Variants in SHB observed in about 807,000 individuals in gnomAD.
SHB encodes the protein SH2 domain containing adaptor protein B.
A neutral mutation model predicts 52.3 loss-of-function variants in SHB; 20 were observed. The observed-to-expected ratio is 0.38, with a 90% CI of 0.27 to 0.56. SHB has a LOEUF of 0.56. Ranked by LOEUF, SHB falls within the 20% of genes least tolerant of loss-of-function variation. The pLI is 0.71. For synonymous variants in SHB, 397 were observed against 316.5 expected, an observed-to-expected ratio of 1.25 and a Z score of -2.70; for missense variants, 825 against 723.3, an observed-to-expected ratio of 1.14 and a Z score of -1.61.
rs551204515 is a variant in SHB at position 38,002,959 on chromosome 9, T to C, written c.838+13052A>G. Among the ~76,000 whole-genome samples, 140 of 152,308 alleles carry C rather than the reference T, an allele frequency of 9.2e-4. No homozygotes were observed. In the Middle Eastern group the frequency reaches 0.017, roughly 19 times the overall value. ...GGCCCAAAAGGCAGCCAGAAACTTT[T>C]TATTAGTACGGAGCCTTGGGAATTT... On this transcript the variant is annotated intron_variant, in intron 2 of 5. Coordinates refer to ENST00000377707, the MANE Select transcript of SHB (RefSeq NM_003028.3).
intron 1 of SHB, among the ~76,000 whole-genome samples, chr9:38,042,177 T>C (rs569891553): frequency 5.9e-5 from 9 of 152,302 alleles, no homozygotes; most frequent in Admixed American, 2.6e-4. Context: ...TCTGTGCCCC[T>C]GTCTCCTCAT....
intron 2 of SHB, among the ~76,000 whole-genome samples, chr9:37,985,818 G>C (rs1820799496): frequency 6.6e-6 from 1 of 151,716 alleles, no homozygotes. Flanking sequence ...GGAGAATCGG[G>C]ACACCACCGT....
At chr9:38,041,864 C>T (rs907874094) in intron 1 of SHB, among the ~76,000 whole-genome samples, 12 of 152,204 alleles carry the variant, frequency 7.9e-5, no homozygotes, top group African/African-American at 1.4e-4. Flanking sequence ...CCGAAGTCGG[C>T]TCTCAAACAT....
chr9:38,043,830 G>A (rs1390624627), intron 1 of SHB, among the ~76,000 whole-genome samples: 2 of 151,996 alleles, frequency 1.3e-5, no homozygotes, highest in Non-Finnish European at 2.9e-5. Context: ...TGGAGGTTGA[G>A]GTGAGCAGAG....
At chr9:38,049,011 G>A (rs1003300174) in intron 1 of SHB, among the ~76,000 whole-genome samples, 5 of 152,122 alleles carry the variant, frequency 3.3e-5, no homozygotes, top group African/African-American at 1.2e-4. Flanking sequence ...TCTCAAGACA[G>A]AAACGAACAT....
chr9:37,977,610 C>A (rs1469223940), intron 2 of SHB, among the ~76,000 whole-genome samples: 4 of 152,246 alleles, frequency 2.6e-5, no homozygotes, highest in South Asian at 2.1e-4. Context: ...AGGACTTTGT[C>A]ACTTTACGGT....
At chr9:38,022,753 G>A (rs952555881) in intron 1 of SHB, among the ~76,000 whole-genome samples, 2 of 152,206 alleles carry the variant, frequency 1.3e-5, no homozygotes, top group South Asian at 2.1e-4. Context: ...TGATGAGGCC[G>A]CTCAGAGAAG....
intron 2 of SHB, among the ~76,000 whole-genome samples, chr9:37,988,738 A>T (rs1196657942): frequency 6.6e-6 from 1 of 152,214 alleles, no homozygotes; most frequent in Non-Finnish European, 1.5e-5. Flanking sequence ...TTAAATTAGT[A>T]CACTGAATAG....
At chr9:37,927,029 C>T (rs1326863700) in intron 5 of SHB, among the ~76,000 whole-genome samples, 3 of 152,198 alleles carry the variant, frequency 2.0e-5, no homozygotes, top group Non-Finnish European at 4.4e-5. Context: ...GCATTATATG[C>T]AAGATACCCA....
intron 3 of SHB, among the ~76,000 whole-genome samples, chr9:37,971,325 T>C (rs548726782): frequency 6.6e-6 from 1 of 152,224 alleles, no homozygotes. Context: ...CATGGGGCTG[T>C]GGCAACACAT....
intron 1 of SHB, among the ~76,000 whole-genome samples, chr9:38,045,492 T>A (rs1036656515): frequency 9.2e-5 from 14 of 151,480 alleles, no homozygotes; most frequent in African/African-American, 2.7e-4. Flanking sequence ...GCACCTGTAA[T>A]CCCAGCTACT....
intron 4 of SHB, among the ~76,000 whole-genome samples, chr9:37,950,135 A>C (rs1358778725): frequency 1.3e-5 from 2 of 152,070 alleles, no homozygotes; most frequent in African/African-American, 4.8e-5. Flanking sequence ...ACAGGGTCTT[A>C]ATATGTTGCC....
chr9:37,947,574 G>A (rs571756954), intron 5 of SHB, among the ~76,000 whole-genome samples: 7 of 152,278 alleles, frequency 4.6e-5, no homozygotes, highest in Admixed American at 1.3e-4. Flanking sequence ...CATGCCTGCC[G>A]CCCTCCTGAC....
rs1587274208 is a variant in SHB, at chr9:38,068,191, G to A, written c.455C>T (p.Ser152Leu). Residue 152 changes from serine to leucine, a missense_variant, in exon 1 of 6, where the codon TCG becomes TTG. Coordinates refer to ENST00000377707, the MANE Select transcript of SHB (RefSeq NM_003028.3). ...ASSGAGAAAS[S>L]SSSSGSPHLY... is the part of the protein sequence containing the mutation. ...ATGCGGAGAGCCGGAGGACGAGGACGAGGACGCGGCGGCCCCCGCGCCCGA... is the reference window on the plus strand; with the variant it reads ...ATGCGGAGAGCCGGAGGACGAGGACAAGGACGCGGCGGCCCCCGCGCCCGA... 1.3e-5 allele frequency: 18 copies of A among 1,412,110 alleles called. No homozygotes were observed. Among genetic ancestry groups the A allele is most frequent in the South Asian group, 1.6e-5 (1 of 63,448 alleles). 87.5% of individuals were successfully genotyped at this position (1,412,110 alleles called of 1,614,324 possible).
chr9:38,016,228 G>A, intron 1 of SHB, 97 bp from the exon 2 acceptor site: 1 of 1,360,566 alleles, frequency 7.3e-7, no homozygotes, highest in Non-Finnish European at 1.0e-6. Context: ...GATGAGCAAG[G>A]AGAGGCAGGG....
chr9:37,950,502 G>A (rs1832553077), intron 4 of SHB, among the ~76,000 whole-genome samples: 1 of 152,210 alleles, frequency 6.6e-6, no homozygotes. Context: ...CTGCCCATGA[G>A]TGGACACACT....
At chr9:38,011,607 T>G (rs1173394224) in intron 2 of SHB, among the ~76,000 whole-genome samples, 1 of 152,142 alleles carries the variant, frequency 6.6e-6, no homozygotes, top group Non-Finnish European at 1.5e-5. Flanking sequence ...AATGCAGACC[T>G]CAGAAGTCGC....
intron 1 of SHB, among the ~76,000 whole-genome samples, chr9:38,063,814 TA>T (rs1491469779): frequency 6.8e-6 from 1 of 146,674 alleles, no homozygotes. Context: ...TTTTTTTTTT[TA>T]AAGTTAGACA....
intron 5 of SHB, among the ~76,000 whole-genome samples, chr9:37,926,167 C>G (rs1430921177): frequency 6.6e-6 from 1 of 152,090 alleles, no homozygotes; most frequent in Admixed American, 6.5e-5. Flanking sequence ...ACCTACAAGC[C>G]TGCAAAATGG....
Sources: gnomAD v4.1 joint callset for allele counts (sites outside exome capture counted in the v4.1 genomes callset) on GRCh38, gnomAD v4.1.1 for gene constraint, MANE v1.5 for transcripts, NCBI Gene and HGNC (gene_info 2026-07-23, HGNC 2026-07-21) for gene names.